Variants in R3HDM2 observed in about 807,000 individuals in gnomAD.
The protein encoded by R3HDM2 is R3H domain-containing protein 2.
R3HDM2 carries 38 observed loss-of-function variants against 124.5 expected under a neutral mutation model. The observed-to-expected ratio is 0.31, with a 90% confidence interval of 0.24 to 0.40. R3HDM2 has a LOEUF of 0.40. Ranked by LOEUF, R3HDM2 falls within the 10% of genes least tolerant of loss-of-function variation. The probability of loss-of-function intolerance (pLI) is 1.00; values close to 1 mark genes in which losing one functional copy is unlikely to be tolerated. For synonymous variants in R3HDM2, 391 were observed against 448.0 expected (o/e 0.87, Z 1.61); for missense variants, 869 against 1,236.9 (o/e 0.70, Z 4.46).
intron 1 of R3HDM2, among the ~76,000 whole-genome samples, chr12:57,416,546 TCA>T (rs1391561710): frequency 1.3e-5 from 2 of 152,116 alleles, no homozygotes; most frequent in Non-Finnish European, 2.9e-5. Context: ...GCACAATGAC[TCA>T]CACCTGCAAT....
At position 57,258,005 on chromosome 12, in the gene R3HDM2, C is replaced by T. The variant is rs774261602; in HGVS notation, c.2434G>A (p.Gly812Arg). 1 of 1,565,514 alleles carries T rather than the reference C, an allele frequency of 6.4e-7. No homozygotes were observed. Among genetic ancestry groups the T allele is most frequent in the Non-Finnish European group, 8.7e-7 (1 of 1,148,388 alleles). Reference protein sequence around the residue: ...LPVLTQFPRPGGPAQGDGRYS... With the variant: ...LPVLTQFPRPRGPAQGDGRYS... The stretch of plus-strand genomic sequence containing the variant: ...AACCCCCTACCCTGTGCTGGACCCC[C>T]AGGCCGGGGGAACTGTGTGAGGACA... Residue 812 changes from glycine (G) to arginine (R), a missense_variant, in exon 21 of 24, where the codon GGG becomes AGG. Gly to Arg is a moderately radical substitution (Grantham distance 125). Transcript: ENST00000402412.
At chr12:57,271,798 C>A (rs140615388) in intron 14 of R3HDM2, among the ~76,000 whole-genome samples, 1 of 152,074 alleles carries the variant, frequency 6.6e-6, no homozygotes. Flanking sequence ...GCATGTGCTA[C>A]GCAATGGATG....
chr12:57,272,311 GC>G (rs773857846), intron 14 of R3HDM2: 250 of 716,692 alleles, frequency 3.5e-4, no homozygotes, highest in Non-Finnish European at 5.9e-4. Flanking sequence ...TTCAGCCTGT[GC>G]TGGTCCCTCA....
At chr12:57,313,970 C>A (rs1405449596) in intron 2 of R3HDM2, among the ~76,000 whole-genome samples, 1 of 151,124 alleles carries the variant, frequency 6.6e-6, no homozygotes, top group Non-Finnish European at 1.5e-5. Context: ...GGGCGGATCA[C>A]CTGATGTTGG....
At chr12:57,375,697 G>A (rs930581231) in intron 2 of R3HDM2, among the ~76,000 whole-genome samples, 5 of 144,780 alleles carry the variant, frequency 3.5e-5, no homozygotes, top group East Asian at 2.0e-4. Context: ...TTTTTGAGAC[G>A]GAGTCTTGCT....
intron 3 of R3HDM2, among the ~76,000 whole-genome samples, chr12:57,306,794 C>T (rs2052687961): frequency 6.6e-6 from 1 of 152,166 alleles, no homozygotes; most frequent in South Asian, 2.1e-4. Flanking sequence ...GCAGATGGAT[C>T]ACCTGAGGTC....
intron 13 of R3HDM2, among the ~76,000 whole-genome samples, chr12:57,281,988 C>T (rs550289777): frequency 5.5e-4 from 84 of 152,112 alleles, no homozygotes; most frequent in South Asian, 3.3e-3. Context: ...CTTATAAGAC[C>T]AAGAGGAAAC....
chr12:57,419,179 TGTCACCCAAGCTGGA>T (rs780588503), intron 1 of R3HDM2, among the ~76,000 whole-genome samples: 53 of 150,888 alleles, frequency 3.5e-4, no homozygotes, highest in Admixed American at 2.7e-3. Flanking sequence ...ATTCTTGCTC[TGTCACCCAAGCTGGA>T]GTACAGTGGA....
chr12:57,336,583 T>C (rs1483678890), intron 2 of R3HDM2, among the ~76,000 whole-genome samples: 2 of 152,142 alleles, frequency 1.3e-5, no homozygotes, highest in Non-Finnish European at 2.9e-5. Context: ...AAATACCGCA[T>C]GTTATCACTT....
chr12:57,345,990 CCT>C (rs996182765), intron 2 of R3HDM2, among the ~76,000 whole-genome samples: 24 of 151,880 alleles, frequency 1.6e-4, no homozygotes, highest in Non-Finnish European at 5.9e-5. Context: ...TGAAACCCAA[CCT>C]CTACCAAAAA....
intron 19 of R3HDM2, among the ~76,000 whole-genome samples, chr12:57,264,620 ATTTT>A (rs549188071): frequency 2.2e-5 from 3 of 137,416 alleles, no homozygotes; most frequent in Non-Finnish European, 3.2e-5. Context: ...TTCCTTCCAG[ATTTT>A]TTTTTTTTTT....
chr12:57,336,957 A>G (rs1466521121), intron 2 of R3HDM2, among the ~76,000 whole-genome samples: 3 of 152,210 alleles, frequency 2.0e-5, no homozygotes, highest in Non-Finnish European at 4.4e-5. Flanking sequence ...AATTTTTCAA[A>G]TAAATTTTTG....
intron 21 of R3HDM2, 149 bp downstream of exon 21, chr12:57,257,841 T>C (rs901987872): frequency 1.2e-5 from 10 of 826,356 alleles, no homozygotes; most frequent in African/African-American, 3.4e-5. Flanking sequence ...GTCCAAGGCC[T>C]ATACAGGGAT....
intron 23 of R3HDM2, among the ~76,000 whole-genome samples, chr12:57,255,597 G>A (rs1256102891): frequency 1.3e-5 from 2 of 152,120 alleles, no homozygotes; most frequent in Non-Finnish European, 2.9e-5. Context: ...CAAATCCCAA[G>A]ACAGATCTTG....
chr12:57,279,342 G>A (rs1327333393), intron 14 of R3HDM2, among the ~76,000 whole-genome samples: 3 of 151,184 alleles, frequency 2.0e-5, no homozygotes, highest in Admixed American at 6.6e-5. Context: ...GCCACCATAC[G>A]TGGCTAATTT....
chr12:57,272,492 T>C lies in R3HDM2; in HGVS notation c.1345-2498A>G, dbSNP rs1023337603. The stretch of plus-strand genomic sequence containing the variant: ...GGGGCGGAGAGACTGGCAGAAGGAC[T>C]TGGGGACAGGAGCTTGGAGAGAACT... On this transcript the variant is annotated intron_variant, in intron 14 of 23. Coordinates refer to ENST00000402412, the MANE Select transcript of R3HDM2 (RefSeq NM_001394031.1). The C allele has an allele frequency of 1.6e-5, 25 of 1,550,274 alleles. No individual in the cohort carries two copies. In the African/African-American group the frequency reaches 2.6e-4, roughly 16 times the overall value.
chr12:57,388,597 A>C (rs956939159), intron 2 of R3HDM2, among the ~76,000 whole-genome samples: 2 of 152,106 alleles, frequency 1.3e-5, no homozygotes, highest in Non-Finnish European at 2.9e-5. Flanking sequence ...GCATTTTTCT[A>C]TCAGCTGAGG....
chr12:57,419,134 T>G (rs909269638), intron 1 of R3HDM2, among the ~76,000 whole-genome samples: 5 of 151,634 alleles, frequency 3.3e-5, no homozygotes, highest in Non-Finnish European at 7.4e-5. Flanking sequence ...ACCATCCATA[T>G]TCTCCTTTCC....
chr12:57,342,653 A>T (rs1331166201), intron 2 of R3HDM2, among the ~76,000 whole-genome samples: 1 of 152,238 alleles, frequency 6.6e-6, no homozygotes, highest in Non-Finnish European at 1.5e-5. Context: ...CATATGTCGA[A>T]ATACCAAAAT....
Sources: allele counts gnomAD v4.1 joint callset (sites outside exome capture counted in the v4.1 genomes callset), GRCh38; gene constraint gnomAD v4.1.1; transcripts MANE v1.5; gene names NCBI Gene and HGNC (gene_info 2026-07-23, HGNC 2026-07-21).